Variants in AP1AR observed in about 807,000 individuals in gnomAD.
AP1AR encodes adaptor related protein complex 1 associated regulatory protein.
Under a neutral mutation model 46.3 loss-of-function variants are expected in AP1AR, and 29 were observed. The ratio of observed to expected loss-of-function variants is 0.63; its 90% CI spans 0.47 to 0.85. AP1AR has a LOEUF of 0.85. Among genes scored for constraint, AP1AR ranks in the 40% least tolerant of loss-of-function variants. The pLI is 0.00. For synonymous variants in AP1AR, 122 were observed against 122.9 expected, an observed-to-expected ratio of 0.99 and a Z score of 0.05; for missense variants, 357 against 356.3, an observed-to-expected ratio of 1.00 and a Z score of -0.02.
intron 5 of AP1AR, among the ~76,000 whole-genome samples, chr4:112,261,959 AC>A (rs955156040): frequency 2.4e-4 from 36 of 150,716 alleles, no homozygotes; most frequent in Middle Eastern, 6.9e-3. Context: ...ACAGAGCAAG[AC>A]CCTGTCTCAA....
At position 112,253,350 on chromosome 4, in the gene AP1AR, T is replaced by G; in HGVS notation, c.132+94T>G. ...AGAGGGAAAGATCTGGACCCAAATT[T>G]AGAATGGACTGTTTATATTTCAATA... is the stretch of plus-strand genomic sequence containing the variant. On this transcript the variant is annotated intron_variant, in intron 2 of 9. Coordinates refer to ENST00000274000, the MANE Select transcript of AP1AR (RefSeq NM_018569.6). 3.5e-6 allele frequency: 3 copies of G among 849,656 alleles called. 1 individual carries two copies. In the Admixed American group the frequency reaches 6.9e-5, roughly 19 times the overall value. The allele number at this position is 849,656 out of a possible 1,614,324, so 52.6% of individuals were successfully genotyped here.
Position 112,272,846 on chromosome 4 carries a change from T to G in AP1AR, c.*4437T>G, listed in dbSNP as rs1460978780. 1 of 152,200 alleles carries G rather than the reference T, an allele frequency of 6.6e-6. No individual in the cohort carries two copies. The highest frequency in any genetic ancestry group is 6.5e-5 in the Admixed American group (1 of 15,272). The allele number at this position is 152,200 out of a possible 1,614,324, so 9.4% of individuals were successfully genotyped here. ...TTTTGGAATTATGCCCGCTTTTTTT[T>G]CAATAGATAAATATATTTTTCTAGC... is the stretch of plus-strand genomic sequence containing the variant. On this transcript the variant is annotated 3_prime_UTR_variant, in exon 10 of 10. Transcript: ENST00000274000.
At position 112,257,789 on chromosome 4, in the gene AP1AR, C is replaced by G; in HGVS notation, c.177C>G (p.Ser59Arg). 6.4e-7 allele frequency: 1 copy of G among 1,560,978 alleles called. No homozygotes were observed. The highest frequency in any genetic ancestry group is 8.6e-7 in the Non-Finnish European group (1 of 1,157,548). Residue 59 changes from serine to arginine, a missense_variant, in exon 4 of 10, where the codon AGC (serine) becomes AGG (arginine). By Grantham distance (110) the Ser-to-Arg change is moderately radical (BLOSUM62 -1). Coordinates refer to ENST00000274000, the MANE Select transcript of AP1AR (RefSeq NM_018569.6). ...TTGTACAGGGGGAGAGCCCAGGAAG[C>G]AGTCATAGGTAAGGCTTTGTTAAAA... ...VESDEGESPGSSHRPLTEEEI... is the reference protein window; with the variant it reads ...VESDEGESPGRSHRPLTEEEI...
chr4:112,272,605 G>A lies in AP1AR; in HGVS notation c.*4196G>A, dbSNP rs1373289809. Reference sequence around the variant, plus strand: ...AATAGGAAATAATAAATCTCTAAGAGCCCTAAGACAAAGGTCAAGCTGGGT... The same window carrying A: ...AATAGGAAATAATAAATCTCTAAGAACCCTAAGACAAAGGTCAAGCTGGGT... On this transcript the variant is annotated 3_prime_UTR_variant, in exon 10 of 10. Coordinates refer to ENST00000274000, the MANE Select transcript of AP1AR (RefSeq NM_018569.6). Among the ~76,000 whole-genome samples the A allele has an allele frequency of 6.6e-6, 1 of 152,184 alleles. No individual in the cohort carries two copies. The highest frequency in any genetic ancestry group is 1.5e-5 in the Non-Finnish European group (1 of 68,036).
intron 1 of AP1AR, among the ~76,000 whole-genome samples, chr4:112,243,741 C>T (rs963871564): frequency 7.9e-5 from 12 of 152,074 alleles, no homozygotes; most frequent in Middle Eastern, 3.4e-3. Context: ...TACAAACTAC[C>T]TCAATTTGTG....
chr4:112,237,034 CCT>C lies in AP1AR; in HGVS notation c.83+4867_83+4868del, dbSNP rs2110464869. On this transcript the variant is annotated intron_variant, in intron 1 of 9. Transcript: ENST00000274000. ...TTTTACCAGTGTTATTCTCTCCCAT[CCT>C]CTCTCTTACCACTTTTAATATCCTA... 2.0e-5 allele frequency among the ~76,000 whole-genome samples: 3 copies of C among 152,340 alleles called. No homozygotes were observed. The East Asian group carries it at 5.8e-4, about 29-fold the overall frequency.
chr4:112,248,046 TAAACTC>T (rs1340750368), intron 1 of AP1AR, among the ~76,000 whole-genome samples: 1 of 152,178 alleles, frequency 6.6e-6, no homozygotes, highest in Non-Finnish European at 1.5e-5. Context: ...CTAAAAAAAT[TAAACTC>T]AATATAATCA....
chr4:112,260,716 C>A (rs754054638), intron 4 of AP1AR, 50 bp from the exon 5 acceptor site: 1 of 1,217,098 alleles, frequency 8.2e-7, no homozygotes, highest in East Asian at 2.5e-5. Context: ...GACTTAGACT[C>A]ATCAGAAGTT....
rs74537736 is a variant in AP1AR at position 112,272,594 on chromosome 4, A to G, written c.*4185A>G. Among the ~76,000 whole-genome samples, 3,954 of 152,196 alleles carry G rather than the reference A, an allele frequency of 0.026. 174 individuals are homozygous for G. Among genetic ancestry groups the G allele is most frequent in the East Asian group, 0.16 (822 of 5,162 alleles). ...ATGGGGAAAAAAATAGGAAATAATA[A>G]ATCTCTAAGAGCCCTAAGACAAAGG... is the stretch of plus-strand genomic sequence containing the variant. On this transcript the variant is annotated 3_prime_UTR_variant, in exon 10 of 10. Transcript: ENST00000274000.
rs1370946246 is a variant in AP1AR at position 112,237,825 on chromosome 4, A to ACCTTC, written c.83+5655_83+5659dup. Among the ~76,000 whole-genome samples the ACCTTC allele has an allele frequency of 2.6e-5, 4 of 151,712 alleles. No individual in the cohort carries two copies. In the East Asian group the frequency reaches 7.8e-4, roughly 29 times the overall value. On this transcript the variant is annotated intron_variant, in intron 1 of 9. Coordinates refer to ENST00000274000, the MANE Select transcript of AP1AR (RefSeq NM_018569.6). The stretch of plus-strand genomic sequence containing the variant: ...CACTTACCTTTACCTTACCTTACTT[A>ACCTTC]CCTTCCCTATGAAACCCGCTCCAAG...
chr4:112,270,794 A>G lies in AP1AR; in HGVS notation c.*2385A>G, dbSNP rs1726916676. 6.6e-6 allele frequency among the ~76,000 whole-genome samples: 1 copy of G among 152,234 alleles called. No homozygotes were observed. The highest frequency in any genetic ancestry group is 2.1e-4 in the South Asian group (1 of 4,832). On this transcript the variant is annotated 3_prime_UTR_variant, in exon 10 of 10. Coordinates refer to ENST00000274000, the MANE Select transcript of AP1AR (RefSeq NM_018569.6). ...AGGGCCAGATGATGCAAGACCTTGT[A>G]GACCAAGAATGAGTTTTATTTGATG... is the stretch of plus-strand genomic sequence containing the variant.
chr4:112,257,665 A>C, intron 3 of AP1AR, 107 bp from the exon 4 acceptor site: 1 of 797,394 alleles, frequency 1.3e-6, no homozygotes, highest in Non-Finnish European at 1.9e-6. Context: ...CTCTGATAAA[A>C]AATGGGTAAG....
Position 112,272,562 on chromosome 4 carries a change from G to A in AP1AR, c.*4153G>A, listed in dbSNP as rs1726997461. 6.6e-6 allele frequency among the ~76,000 whole-genome samples: 1 copy of A among 152,152 alleles called. No individual in the cohort carries two copies. Among genetic ancestry groups the A allele is most frequent in the African/African-American group, 2.4e-5 (1 of 41,432 alleles). On this transcript the variant is annotated 3_prime_UTR_variant, in exon 10 of 10. Transcript: ENST00000274000. ...GGCAAACCACTGCACATACAGGGAG[G>A]GAAGAGATGGGGAAAAAAATAGGAA...
chr4:112,257,691 TTAAA>T lies in AP1AR; in HGVS notation c.160-76_160-73del, dbSNP rs550067920. On this transcript the variant is annotated intron_variant, in intron 3 of 9. Transcript: ENST00000274000. ...AATGGGTAAGTTGAAAGTATTTAGA[TTAAA>T]TAAAAATTGTATTGGTTACTTTAAA... The T allele has an allele frequency of 3.0e-4, 330 of 1,116,674 alleles. 1 individual carries two copies. In the African/African-American group the frequency reaches 4.8e-3, roughly 16 times the overall value. The allele number at this position is 1,116,674 out of a possible 1,614,324, so 69.2% of individuals were successfully genotyped here.
At chr4:112,246,618 T>C (rs185734345) in intron 1 of AP1AR, among the ~76,000 whole-genome samples, 35 of 152,300 alleles carry the variant, frequency 2.3e-4, no homozygotes, top group African/African-American at 8.4e-4. Flanking sequence ...CAAGGTAAAT[T>C]TAATAATTTA....
At chr4:112,253,058 A>G in intron 1 of AP1AR, 150 bp from the exon 2 acceptor site, 1 of 539,336 alleles carries the variant, frequency 1.9e-6, no homozygotes. Context: ...TTATAGTCTT[A>G]GGTAAATTTT....
chr4:112,233,231 T>A (rs1384480454), intron 1 of AP1AR, among the ~76,000 whole-genome samples: 1 of 152,218 alleles, frequency 6.6e-6, no homozygotes, highest in Non-Finnish European at 1.5e-5. Flanking sequence ...GTAATGGAGA[T>A]CTTATAAAAT....
At position 112,260,870 on chromosome 4, in the gene AP1AR, GTCTT is replaced by G. The variant is rs1294536569; in HGVS notation, c.282+10_282+13del. The G allele has an allele frequency of 6.6e-7, 1 of 1,512,644 alleles. No individual in the cohort carries two copies. The highest frequency in any genetic ancestry group is 1.2e-5 in the South Asian group (1 of 84,194). The allele number at this position is 1,512,644 out of a possible 1,614,324, so 93.7% of individuals were successfully genotyped here. A position where few individuals can be genotyped will look rare whatever the true frequency, so the allele number is the denominator to read the frequency against. On this transcript the variant is annotated intron_variant, in intron 5 of 9. Coordinates refer to ENST00000274000, the MANE Select transcript of AP1AR (RefSeq NM_018569.6). Reference sequence around the variant, plus strand: ...AAGAAAATTCAAAAAGAGGTAAATTGTCTTTTATATTGCTTAAGTACATGTTATC... The same window carrying G: ...AAGAAAATTCAAAAAGAGGTAAATTGTTATATTGCTTAAGTACATGTTATC...
rs372619641 is a variant in AP1AR, at chr4:112,237,159, G to T, written c.83+4985G>T. ...ATCTTGCCCTGTTGCCCAAGCTGGAGTGCAGTGGTGTGATCTTGCTCACTG... is the reference window on the plus strand; with the variant it reads ...ATCTTGCCCTGTTGCCCAAGCTGGATTGCAGTGGTGTGATCTTGCTCACTG... On this transcript the variant is annotated intron_variant, in intron 1 of 9. Coordinates refer to ENST00000274000, the MANE Select transcript of AP1AR (RefSeq NM_018569.6). Among the ~76,000 whole-genome samples the T allele has an allele frequency of 3.3e-5, 5 of 152,308 alleles. No homozygotes were observed. The East Asian group carries it at 9.7e-4, about 29-fold the overall frequency.
Sources: allele counts gnomAD v4.1 joint callset (sites outside exome capture counted in the v4.1 genomes callset), GRCh38; gene constraint gnomAD v4.1.1; transcripts MANE v1.5; gene names NCBI Gene and HGNC (gene_info 2026-07-23, HGNC 2026-07-21).